Variants in MGAT4D observed in about 807,000 individuals in gnomAD.
The protein encoded by MGAT4D is MGAT4 family member D, also known as alpha-1,3-mannosyl-glycoprotein 4-beta-N-acetylglucosaminyltransferase-like protein MGAT4D.
Under a neutral mutation model 15.9 loss-of-function variants are expected in MGAT4D, and 34 were observed. The observed-to-expected ratio is 2.14, with a 90% CI of 1.62 to 2.84. The LOEUF (loss-of-function observed/expected upper bound fraction) is 2.84. MGAT4D is among the 30% of genes most tolerant of loss of function. The probability of loss-of-function intolerance (pLI) is 0.00; values close to 1 mark genes in which losing one functional copy is unlikely to be tolerated. For synonymous variants in MGAT4D, 112 were observed against 48.2 expected, an observed-to-expected ratio of 2.33 and a Z score of -5.49; for missense variants, 327 against 140.2, an observed-to-expected ratio of 2.33 and a Z score of -6.73.
intron 3 of MGAT4D, among the ~76,000 whole-genome samples, chr4:140,478,347 G>T (rs1199178966): frequency 6.6e-6 from 1 of 152,042 alleles, no homozygotes; most frequent in African/African-American, 2.4e-5. Context: ...CTTATGCAAG[G>T]TTATGTTTAT....
At chr4:140,468,557 C>T (rs1049393111) in intron 5 of MGAT4D, among the ~76,000 whole-genome samples, 2 of 152,124 alleles carry the variant, frequency 1.3e-5, no homozygotes, top group Non-Finnish European at 2.9e-5. Context: ...GAAGCCACTT[C>T]AGGATAATGT....
Position 140,446,727 on chromosome 4 carries a change from T to G in MGAT4D, c.1117-3283A>C, listed in dbSNP as rs1244446581. On this transcript the variant is annotated intron_variant, in intron 10 of 10. Coordinates refer to ENST00000511113, the MANE Select transcript of MGAT4D (RefSeq NM_001277353.2). ...TATTCTGGTAGCTTTGGAGCTGGTT[T>G]GCTTTTGCTTCTCTAGTTTTTTTTT... Among the ~76,000 whole-genome samples, 3 of 148,968 alleles carry G rather than the reference T, an allele frequency of 2.0e-5. No individual in the cohort carries two copies. In the Admixed American group the frequency reaches 2.0e-4, roughly 10 times the overall value.
In MGAT4D at chr4:140,461,953, T is replaced by C; in HGVS notation, c.738A>G (p.Gln246=). 2.9e-6 allele frequency: 2 copies of C among 699,358 alleles called. No homozygotes were observed. Among genetic ancestry groups the C allele is most frequent in the South Asian group, 1.5e-5 (1 of 66,982 alleles). 43.3% of individuals were successfully genotyped at this position (699,358 alleles called of 1,614,324 possible). A position where few individuals can be genotyped will look rare whatever the true frequency, so the allele number is the denominator to read the frequency against. The change falls in exon 7 of 11, where the codon CAA becomes CAG. Residue 246 remains glutamine, a synonymous_variant. Transcript: ENST00000511113. ...LDFCILLLYA[Q]PKAKYYLQLE... is the part of the protein sequence containing the mutation. ...CCTGTAAATAATACTTGGCCTTGGG[T>C]TGGGCATACAGCAACAAAATGCAAA...
At chr4:140,486,550 C>T (rs1733147543) in intron 1 of MGAT4D, among the ~76,000 whole-genome samples, 1 of 152,056 alleles carries the variant, frequency 6.6e-6, no homozygotes, top group Non-Finnish European at 1.5e-5. Context: ...TCCATGTGTT[C>T]TCATTGTTCA....
At chr4:140,455,168 T>C (rs1174372836) in intron 9 of MGAT4D, among the ~76,000 whole-genome samples, 1 of 152,182 alleles carries the variant, frequency 6.6e-6, no homozygotes, top group Non-Finnish European at 1.5e-5. Context: ...GAAGTGGAGA[T>C]TATGAATATG....
intron 9 of MGAT4D, 134 bp downstream of exon 9, chr4:140,456,455 A>C (rs926078426): frequency 2.1e-5 from 9 of 420,184 alleles, no homozygotes; most frequent in African/African-American, 1.4e-4. Context: ...TAGAAAGATC[A>C]AAATTTGGGA....
intron 10 of MGAT4D, among the ~76,000 whole-genome samples, chr4:140,449,788 A>G (rs1194493956): frequency 6.6e-6 from 1 of 152,342 alleles, no homozygotes; most frequent in South Asian, 2.1e-4. Flanking sequence ...CATAAGGGTA[A>G]AACAAAATTT....
rs118005423 is a variant in MGAT4D, at chr4:140,448,357, C to T, written c.1116+3053G>A. On this transcript the variant is annotated intron_variant, in intron 10 of 10. Coordinates refer to ENST00000511113, the MANE Select transcript of MGAT4D (RefSeq NM_001277353.2). ...GATGCTAGTGATTCATAGATCTGGC[C>T]TGTGTACATAATCTCATATTTCTTG... is the stretch of plus-strand genomic sequence containing the variant. Among the ~76,000 whole-genome samples, 266 of 152,224 alleles carry T rather than the reference C, an allele frequency of 1.7e-3. 8 individuals carry two copies. In the East Asian group the frequency reaches 0.048, roughly 27 times the overall value.
chr4:140,466,283 C>T (rs1266152067), intron 5 of MGAT4D, among the ~76,000 whole-genome samples: 1 of 152,062 alleles, frequency 6.6e-6, no homozygotes, highest in Non-Finnish European at 1.5e-5. Context: ...TGAAGGTGAA[C>T]CTAACTGACA....
chr4:140,442,441 A>T lies in MGAT4D; in HGVS notation c.*995T>A, dbSNP rs1467410454. 6.6e-6 allele frequency: 1 copy of T among 152,154 alleles called. No individual in the cohort carries two copies. Among genetic ancestry groups the T allele is most frequent in the Non-Finnish European group, 1.5e-5 (1 of 68,002 alleles). 9.4% of individuals were successfully genotyped at this position (152,154 alleles called of 1,614,324 possible). On this transcript the variant is annotated 3_prime_UTR_variant, in exon 11 of 11. Coordinates refer to ENST00000511113, the MANE Select transcript of MGAT4D (RefSeq NM_001277353.2). Reference sequence around the variant, plus strand: ...TTGCTCAAAATAAGTAATACCTTACAGAATAACATCAAGAAGAAAAATAGA... The same window carrying T: ...TTGCTCAAAATAAGTAATACCTTACTGAATAACATCAAGAAGAAAAATAGA...
intron 1 of MGAT4D, among the ~76,000 whole-genome samples, chr4:140,494,033 G>A (rs1433254359): frequency 6.6e-6 from 1 of 152,054 alleles, no homozygotes; most frequent in African/African-American, 2.4e-5. Flanking sequence ...GATGACTAGG[G>A]GCTCCTGGAG....
At chr4:140,468,478 A>C (rs1351508940) in intron 5 of MGAT4D, among the ~76,000 whole-genome samples, 1 of 152,154 alleles carries the variant, frequency 6.6e-6, no homozygotes, top group East Asian at 1.9e-4. Flanking sequence ...GAATTGTTTT[A>C]CACCTTTGCC....
At chr4:140,498,072 T>G in intron 1 of MGAT4D, 57 bp downstream of exon 1, 1 of 687,384 alleles carries the variant, frequency 1.5e-6, no homozygotes, top group Non-Finnish European at 2.6e-6. Flanking sequence ...CCTGCATTCC[T>G]GCAGCCCCGA....
intron 1 of MGAT4D, among the ~76,000 whole-genome samples, chr4:140,488,581 G>A (rs2126860432): frequency 6.6e-6 from 1 of 152,316 alleles, no homozygotes; most frequent in African/African-American, 2.4e-5. Flanking sequence ...GAAGAAGGAA[G>A]ACTTGTGAAC....
chr4:140,491,551 A>G (rs1197934852), intron 1 of MGAT4D, among the ~76,000 whole-genome samples: 1 of 152,086 alleles, frequency 6.6e-6, no homozygotes, highest in African/African-American at 2.4e-5. Flanking sequence ...ATGCAGCTTG[A>G]AGCACCAAAG....
rs777366964 is a variant in MGAT4D at position 140,474,858 on chromosome 4, C to T, written c.480G>A (p.Thr160=). Residue 160 remains threonine (T), a synonymous_variant, in exon 4 of 11, where the codon ACG becomes ACA. Coordinates refer to ENST00000511113, the MANE Select transcript of MGAT4D (RefSeq NM_001277353.2). ...QTLTSVVSRM[T]LSQEKDSVVI... ...CTACAGAATCCTTCTCTTGGGAGAG[C>T]GTCATCCTGGAGACAACAGAGGTCA... 34 of 697,518 alleles carry T rather than the reference C, an allele frequency of 4.9e-5. No individual in the cohort carries two copies. Among genetic ancestry groups the T allele is most frequent in the Middle Eastern group, 4.6e-4 (2 of 4,366 alleles). 43.2% of individuals were successfully genotyped at this position (697,518 alleles called of 1,614,324 possible).
chr4:140,493,929 C>T (rs181254439), intron 1 of MGAT4D, among the ~76,000 whole-genome samples: 64 of 152,242 alleles, frequency 4.2e-4, no homozygotes, highest in Non-Finnish European at 1.3e-4. Flanking sequence ...AGGCAGTGGC[C>T]AGAGGCAAGA....
At chr4:140,455,765 C>A (rs969479296) in intron 9 of MGAT4D, among the ~76,000 whole-genome samples, 4 of 152,108 alleles carry the variant, frequency 2.6e-5, no homozygotes, top group Non-Finnish European at 5.9e-5. Context: ...GGTAAATTAA[C>A]CCTTTTATTA....
chr4:140,442,478 C>T lies in MGAT4D; in HGVS notation c.*958G>A, dbSNP rs941689535. On this transcript the variant is annotated 3_prime_UTR_variant, in exon 11 of 11. Coordinates refer to ENST00000511113, the MANE Select transcript of MGAT4D (RefSeq NM_001277353.2). ...AGAAGAAAAATAGATTTTAATGGGC[C>T]CCTGTAGAAACTGATGGATCAAGCA... 1 of 151,776 alleles carries T rather than the reference C, an allele frequency of 6.6e-6. No homozygotes were observed. The highest frequency in any genetic ancestry group is 2.1e-4 in the South Asian group (1 of 4,808). 9.4% of individuals were successfully genotyped at this position (151,776 alleles called of 1,614,324 possible). A position where few individuals can be genotyped will look rare whatever the true frequency, so the allele number is the denominator to read the frequency against.
Sources: gnomAD v4.1 joint callset for allele counts (sites outside exome capture counted in the v4.1 genomes callset) on GRCh38, gnomAD v4.1.1 for gene constraint, MANE v1.5 for transcripts, NCBI Gene and HGNC (gene_info 2026-07-23, HGNC 2026-07-21) for gene names.